The following NEB variants were observed in gnomAD, a reference collection of about 807,000 sequenced individuals.
NEB encodes nebulin, also known as nemaline myopathy type 2.
Under a neutral mutation model 952.2 loss-of-function variants are expected in NEB, and 512 were observed. That is an observed-to-expected ratio of 0.54 (90% CI 0.50 to 0.58). NEB has a LOEUF of 0.58. Ranked by LOEUF, NEB falls within the 20% of genes least tolerant of loss-of-function variation. The pLI is 0.00. For synonymous variants in NEB, 2,900 were observed against 3,149.8 expected (o/e 0.92, Z 2.66); for missense variants, 8,428 against 9,231.1 (o/e 0.91, Z 3.56).
At chr2:151,648,261 A>G (rs1005599530) in intron 54 of NEB, among the ~76,000 whole-genome samples, 4 of 152,156 alleles carry the variant, frequency 2.6e-5, no homozygotes, top group African/African-American at 7.2e-5. Context: ...TGAGGTATGC[A>G]GCATGAGATG....
intron 3 of NEB, among the ~76,000 whole-genome samples, chr2:151,730,192 A>G (rs2099802630): frequency 6.6e-6 from 1 of 152,202 alleles, no homozygotes; most frequent in Non-Finnish European, 1.5e-5. Context: ...TTAGTAAGTA[A>G]TAAGTTTCTT....
At chr2:151,534,174 C>A in intron 142 of NEB, 1 of 1,434,318 alleles carries the variant, frequency 7.0e-7, no homozygotes, top group Non-Finnish European at 9.8e-7. Context: ...AAACTGGGAG[C>A]ACAGTCCTGC....
chr2:151,563,284 G>A (rs2096200651), intron 119 of NEB, among the ~76,000 whole-genome samples: 1 of 152,112 alleles, frequency 6.6e-6, no homozygotes, highest in South Asian at 2.1e-4. Context: ...AAAGTGCTGG[G>A]ATTACAGGTG....
At chr2:151,491,628 C>T in intron 179 of NEB, 55 bp downstream of exon 179, 1 of 1,375,590 alleles carries the variant, frequency 7.3e-7, no homozygotes, top group Non-Finnish European at 1.0e-6. Flanking sequence ...AAGTCATTGA[C>T]TCTAGCATAC....
intron 133 of NEB, 116 bp downstream of exon 133, chr2:151,547,313 T>G (rs546840028): frequency 1.3e-6 from 1 of 746,418 alleles, no homozygotes; most frequent in Non-Finnish European, 2.2e-6. Context: ...TTGTACTCTT[T>G]GTTTAGAAGT....
In NEB at chr2:151,514,931, A is replaced by C; in HGVS notation, c.22906-3T>G. The C allele has an allele frequency of 6.5e-7, 1 of 1,534,252 alleles. No individual in the cohort carries two copies. The highest frequency in any genetic ancestry group is 2.4e-5 in the East Asian group (1 of 42,214). ...TCATAATCTTTCCTATATTCTTTCT[A>C]ATGTAAGTAGGAAGGAAAGACAAGT... is the stretch of plus-strand genomic sequence containing the variant. On this transcript the variant is annotated splice_region_variant and splice_polypyrimidine_tract_variant and intron_variant, in intron 157 of 181. Transcript: ENST00000397345.
intron 63 of NEB, among the ~76,000 whole-genome samples, chr2:151,638,382 T>C (rs1028700065): frequency 6.6e-6 from 1 of 152,208 alleles, no homozygotes. Context: ...TGATGTCATG[T>C]GAGGAATGCC....
intron 143 of NEB, 74 bp from the exon 144 acceptor site, chr2:151,531,970 A>G (rs1172043423): frequency 1.2e-6 from 1 of 861,008 alleles, no homozygotes; most frequent in Non-Finnish European, 1.9e-6. Flanking sequence ...TGTCCTCTTG[A>G]AACACCAGAG....
intron 3 of NEB, among the ~76,000 whole-genome samples, chr2:151,731,434 C>A (rs1241320979): frequency 1.3e-5 from 2 of 152,188 alleles, no homozygotes; most frequent in African/African-American, 4.8e-5. Context: ...CAGTTCTTCT[C>A]TGTTTTCTGC....
chr2:151,662,372 A>G (rs1479782794), intron 45 of NEB, 31 bp from the exon 46 acceptor site: 3 of 1,508,352 alleles, frequency 2.0e-6, no homozygotes, highest in Non-Finnish European at 2.7e-6. Context: ...AATTATGAGA[A>G]GAAACTGGAA....
intron 172 of NEB, 109 bp downstream of exon 172, chr2:151,496,831 AG>A: frequency 7.8e-7 from 1 of 1,277,186 alleles, no homozygotes; most frequent in Non-Finnish European, 1.1e-6. Flanking sequence ...TGCTAAAGAA[AG>A]AAGTTCACAA....
At chr2:151,725,361 TC>T (rs910656890) in intron 6 of NEB, 91 bp downstream of exon 6, 1 of 972,180 alleles carries the variant, frequency 1.0e-6, no homozygotes, top group African/African-American at 1.6e-5. Context: ...ATTCAACTGC[TC>T]ATTCTCACAG....
In NEB at chr2:151,520,335, G is replaced by A. The variant is rs138329241; in HGVS notation, c.22480-567C>T. ...CAAATATGAGAGTTTGGGGGTTAATGGCTTCAAGTGTGATTTCAGACTAGA... is the reference window on the plus strand; with the variant it reads ...CAAATATGAGAGTTTGGGGGTTAATAGCTTCAAGTGTGATTTCAGACTAGA... On this transcript the variant is annotated intron_variant, in intron 153 of 181. Transcript: ENST00000397345. Among the ~76,000 whole-genome samples, 216 of 152,240 alleles carry A rather than the reference G, an allele frequency of 1.4e-3. 1 individual carries two copies. Among genetic ancestry groups the A allele is most frequent in the African/African-American group, 5.0e-3 (206 of 41,558 alleles).
intron 124 of NEB, 93 bp from the exon 125 acceptor site, chr2:151,555,137 C>G: frequency 1.2e-6 from 1 of 841,222 alleles, no homozygotes; most frequent in South Asian, 1.5e-5. Context: ...AAAAACCCGA[C>G]TCTGAGATCC....
intron 107 of NEB, among the ~76,000 whole-genome samples, chr2:151,572,507 T>TTATATATATTGAATATA: frequency 6.9e-6 from 1 of 145,218 alleles, no homozygotes; most frequent in East Asian, 2.0e-4. Context: ...TATTGAATAT[T>TTATATATATTGAATATA]TATATATATA....
Position 151,610,797 on chromosome 2 carries a change from G to C in NEB, c.11875C>G (p.Leu3959Val). The C allele has an allele frequency of 4.4e-6, 7 of 1,608,506 alleles. No individual in the cohort carries two copies. Among genetic ancestry groups the C allele is most frequent in the Non-Finnish European group, 5.9e-6 (7 of 1,177,092 alleles). Residue 3959 changes from leucine (L) to valine (V), a missense_variant, in exon 79 of 182, where the codon CTG (leucine) becomes GTG (valine). Transcript: ENST00000397345. ...IHVMPDTPDILLAKSNSANIS... is the reference protein window; with the variant it reads ...IHVMPDTPDIVLAKSNSANIS... Reference sequence around the variant, plus strand: ...TTGGCAGAATTACTCTTGGCCAGCAGGATATCTGGGGTGTCTGGCATCACG... The same window carrying C: ...TTGGCAGAATTACTCTTGGCCAGCACGATATCTGGGGTGTCTGGCATCACG...
chr2:151,497,111 GCTTC>G (rs2060752585), intron 171 of NEB, 78 bp from the exon 172 acceptor site: 2 of 1,480,698 alleles, frequency 1.4e-6, no homozygotes, highest in Non-Finnish European at 1.8e-6. Flanking sequence ...GGTAAGGTCA[GCTTC>G]CTTGTTAAGA....
chr2:151,540,309 C>G lies in NEB; in HGVS notation c.20892+35G>C, dbSNP rs200261335. On this transcript the variant is annotated intron_variant, in intron 138 of 181. Transcript: ENST00000397345. Reference sequence around the variant, plus strand: ...TAGGTACTTCAACCTCAGCTCTCCCCATCACAACAGAAGAAAAAAGGAAGG... The same window carrying G: ...TAGGTACTTCAACCTCAGCTCTCCCGATCACAACAGAAGAAAAAAGGAAGG... 1.7e-5 allele frequency: 22 copies of G among 1,308,912 alleles called. No individual in the cohort carries two copies. In the African/African-American group the frequency reaches 2.9e-4, roughly 17 times the overall value. 81.1% of individuals were successfully genotyped at this position (1,308,912 alleles called of 1,614,324 possible).
chr2:151,579,080 CAAAAAAAAAAAA>C (rs1159995102), intron 105 of NEB, among the ~76,000 whole-genome samples: 2 of 31,714 alleles, frequency 6.3e-5, no homozygotes, highest in Non-Finnish European at 1.1e-4. Context: ...GACTCCATCT[CAAAAAAAAAAAA>C]AAAAAAAAAA....
Sources: allele counts gnomAD v4.1 joint callset (sites outside exome capture counted in the v4.1 genomes callset), GRCh38; gene constraint gnomAD v4.1.1; transcripts MANE v1.5; gene names NCBI Gene and HGNC (gene_info 2026-07-23, HGNC 2026-07-21).